Variants in CWC25 observed in about 807,000 individuals in gnomAD.
CWC25 encodes CWC25 spliceosome associated protein.
In CWC25, 31 loss-of-function variants were observed where a neutral mutation model predicts 54.6. The observed-to-expected ratio is 0.57, with a 90% CI of 0.43 to 0.77. The LOEUF is 0.77. CWC25 is among the 30% of genes least tolerant of loss of function. CWC25 has a pLI of 0.00. For missense variants in CWC25, 453 were observed against 529.3 expected (o/e 0.86, Z 1.41); for synonymous variants, 151 against 187.0 (o/e 0.81, Z 1.57).
chr17:38,813,497 G>A (rs1236646738), intron 3 of CWC25, among the ~76,000 whole-genome samples: 2 of 144,100 alleles, frequency 1.4e-5, no homozygotes, highest in Non-Finnish European at 1.5e-5. Context: ...AATAAAAAAC[G>A]ACATGATGGT....
chr17:38,810,409 T>TG (rs1356081771), intron 5 of CWC25, 59 bp downstream of exon 5: 3 of 1,477,934 alleles, frequency 2.0e-6, no homozygotes, highest in Non-Finnish European at 2.7e-6. Flanking sequence ...GTCTGTGGAA[T>TG]GAATGAGTGA....
intron 1 of CWC25, among the ~76,000 whole-genome samples, chr17:38,821,781 CTTT>C (rs36017153): frequency 1.4e-5 from 2 of 144,074 alleles, no homozygotes; most frequent in East Asian, 2.0e-4. Context: ...GACATTCATT[CTTT>C]TTTTTTTTTT....
chr17:38,811,684 G>A (rs765906656), intron 4 of CWC25, among the ~76,000 whole-genome samples: 27 of 152,126 alleles, frequency 1.8e-4, no homozygotes, highest in Non-Finnish European at 2.5e-4. Flanking sequence ...AACACACCAG[G>A]GGAAGGGTCT....
intron 2 of CWC25, chr17:38,815,823 A>G (rs1911674548): frequency 2.3e-6 from 1 of 426,714 alleles, no homozygotes; most frequent in African/African-American, 2.1e-5. Flanking sequence ...AGTTGCATTG[A>G]TTGTGCATCT....
intron 2 of CWC25, among the ~76,000 whole-genome samples, chr17:38,820,076 T>C (rs1911861222): frequency 6.6e-6 from 1 of 152,124 alleles, no homozygotes; most frequent in Admixed American, 6.6e-5. Context: ...GTGCTGGGAT[T>C]ATAGGCATAA....
Position 38,812,872 on chromosome 17 carries a change from G to A in CWC25, c.429-8C>T, listed in dbSNP as rs1354633186. The A allele has an allele frequency of 3.5e-6, 5 of 1,441,222 alleles. No homozygotes were observed. The highest frequency in any genetic ancestry group is 1.7e-4 in the Middle Eastern group (1 of 5,772). 89.3% of individuals were successfully genotyped at this position (1,441,222 alleles called of 1,614,324 possible). A position where few individuals can be genotyped will look rare whatever the true frequency, so the allele number is the denominator to read the frequency against. The stretch of plus-strand genomic sequence containing the variant: ...TTCTCCTCCTCCTTCTTCCTAAAGA[G>A]AGATAATTACAAAATTCATGACTAT... On this transcript the variant is annotated splice_region_variant and splice_polypyrimidine_tract_variant and intron_variant, in intron 3 of 9. Transcript: ENST00000614790.
rs1911639934 is a variant in CWC25, at chr17:38,814,961, C to T, written c.328G>A (p.Glu110Lys). The T allele has an allele frequency of 5.6e-6, 9 of 1,613,812 alleles. No individual in the cohort carries two copies. The highest frequency in any genetic ancestry group is 7.6e-6 in the Non-Finnish European group (9 of 1,179,880). ...MEEKEAGCSS[E>K]TGLLPGSIFA... ...ATAGAGCCTGGGAGAAGTCCTGTTTCAGAAGAGCAGCCTGCCTCCTTCTCC... is the reference window on the plus strand; with the variant it reads ...ATAGAGCCTGGGAGAAGTCCTGTTTTAGAAGAGCAGCCTGCCTCCTTCTCC... The change falls in exon 3 of 10, where the codon GAA (glutamate) becomes AAA (lysine). Residue 110 changes from glutamate to lysine, a missense_variant. By Grantham distance (56) the Glu-to-Lys change is moderately conservative. Around this residue, in one of 2 missense-constraint regions of CWC25, gnomAD observed 444 missense variants for 499.2 expected, o/e 0.89. Transcript: ENST00000614790.
At chr17:38,804,599 G>A (rs1160380534) in intron 8 of CWC25, among the ~76,000 whole-genome samples, 4 of 152,056 alleles carry the variant, frequency 2.6e-5, no homozygotes, top group Admixed American at 6.6e-5. Context: ...CTGACCTCAG[G>A]AGTTCAAGAC....
intron 2 of CWC25, 89 bp from the exon 3 acceptor site, chr17:38,815,186 G>A: frequency 8.8e-7 from 1 of 1,132,736 alleles, no homozygotes; most frequent in Non-Finnish European, 1.3e-6. Flanking sequence ...AAGGGAGAGA[G>A]AACCACAGCT....
chr17:38,806,456 A>ATCCC, intron 7 of CWC25, 61 bp from the exon 8 acceptor site: 1 of 1,361,066 alleles, frequency 7.3e-7, no homozygotes, highest in Non-Finnish European at 1.0e-6. Flanking sequence ...CTTACACTGA[A>ATCCC]TCCCTCAAAC....
At chr17:38,812,571 G>C (rs188672529) in intron 4 of CWC25, among the ~76,000 whole-genome samples, 265 of 152,202 alleles carry the variant, frequency 1.7e-3, no homozygotes, top group Admixed American at 3.9e-3. Context: ...AGGTTGCGGT[G>C]AGCTGAGATC....
Position 38,825,276 on chromosome 17 carries a change from G to A in CWC25, c.-93C>T. ...GAAATAGTTCGGGGGCTACCTCGCG[G>A]GATCTAGTCCCAGGAGCCGTCAACT... On this transcript the variant is annotated 5_prime_UTR_variant, in exon 1 of 10. Coordinates refer to ENST00000614790, the MANE Select transcript of CWC25 (RefSeq NM_017748.5). 7.2e-7 allele frequency: 1 copy of A among 1,381,964 alleles called. No homozygotes were observed. Among genetic ancestry groups the A allele is most frequent in the Non-Finnish European group, 9.9e-7 (1 of 1,013,944 alleles). 85.6% of individuals were successfully genotyped at this position (1,381,964 alleles called of 1,614,324 possible).
chr17:38,809,170 G>A (rs969595363), intron 6 of CWC25, among the ~76,000 whole-genome samples: 8 of 151,634 alleles, frequency 5.3e-5, no homozygotes, highest in Admixed American at 2.0e-4. Context: ...GCTCACACCT[G>A]TAATCCCAGC....
chr17:38,809,614 C>A, intron 6 of CWC25, 88 bp downstream of exon 6: 1 of 1,281,732 alleles, frequency 7.8e-7, no homozygotes, highest in Non-Finnish European at 1.1e-6. Context: ...GCCCAGGCTT[C>A]ACTGCCCACC....
chr17:38,812,082 G>A (rs1911513061), intron 4 of CWC25, among the ~76,000 whole-genome samples: 1 of 151,974 alleles, frequency 6.6e-6, no homozygotes, highest in Non-Finnish European at 1.5e-5. Flanking sequence ...GGGATTACAG[G>A]CATGAACCAC....
intron 3 of CWC25, 103 bp downstream of exon 3, chr17:38,814,745 CAAAAAAAAAAAAA>C: frequency 4.3e-6 from 2 of 462,342 alleles, no homozygotes; most frequent in Non-Finnish European, 7.0e-6. Context: ...GACTCCGTCT[CAAAAAAAAAAAAA>C]AAAAAAAAAG....
chr17:38,806,989 G>A lies in CWC25; in HGVS notation c.691-13C>T, dbSNP rs1277291847. ...CAGAGTTCCGGACCTACATCATTAAGGAAAAGAGAAGTTATTCACATGGAA... is the reference window on the plus strand; with the variant it reads ...CAGAGTTCCGGACCTACATCATTAAAGAAAAGAGAAGTTATTCACATGGAA... On this transcript the variant is annotated splice_polypyrimidine_tract_variant and intron_variant, in intron 6 of 9. Coordinates refer to ENST00000614790, the MANE Select transcript of CWC25 (RefSeq NM_017748.5). 6.3e-7 allele frequency: 1 copy of A among 1,597,674 alleles called. No individual in the cohort carries two copies. Among genetic ancestry groups the A allele is most frequent in the East Asian group, 2.2e-5 (1 of 44,614 alleles).
chr17:38,821,014 G>A lies in CWC25; in HGVS notation c.78C>T (p.Ala26=), dbSNP rs992644413. The change falls in exon 2 of 10, where the codon GCC becomes GCT. Residue 26 remains alanine (A), a synonymous_variant. Transcript: ENST00000614790. ...TCCGCTCAGCCTCATGCTTCTGCTCGGCCTTCCACACTTTCTCCACATTCC... is the reference window on the plus strand; with the variant it reads ...TCCGCTCAGCCTCATGCTTCTGCTCAGCCTTCCACACTTTCTCCACATTCC... ...TLRNVEKVWK[A]EQKHEAERKK... 23 of 1,613,708 alleles carry A rather than the reference G, an allele frequency of 1.4e-5. No homozygotes were observed. Among genetic ancestry groups the A allele is most frequent in the African/African-American group, 8.0e-5 (6 of 74,876 alleles).
chr17:38,802,244 T>C, intron 9 of CWC25, 38 bp from the exon 10 acceptor site: 1 of 1,405,026 alleles, frequency 7.1e-7, no homozygotes, highest in South Asian at 1.2e-5. Flanking sequence ...GTCAAAAACA[T>C]TTTCAATCAG....
Sources: allele counts gnomAD v4.1 joint callset (sites outside exome capture counted in the v4.1 genomes callset), GRCh38; gene constraint gnomAD v4.1.1; regional missense constraint gnomAD v4.1.1; transcripts MANE v1.5; gene names NCBI Gene and HGNC (gene_info 2026-07-23, HGNC 2026-07-21).